C5: variants seen among roughly 807,000 people sequenced by gnomAD.
C5 encodes the protein complement C5, also known as C3 and PZP-like alpha-2-macroglobulin domain-containing protein 4.
In C5, 140 loss-of-function variants were observed where a neutral mutation model predicts 218.8. The ratio of observed to expected loss-of-function variants is 0.64; its 90% CI spans 0.56 to 0.74. The LOEUF is 0.74. C5 is among the 30% of genes least tolerant of loss of function. The pLI is 0.00. For synonymous variants in C5, 614 were observed against 682.3 expected, an observed-to-expected ratio of 0.90 and a Z score of 1.56; for missense variants, 1,700 against 1,969.6, an observed-to-expected ratio of 0.86 and a Z score of 2.59.
intron 7 of C5, among the ~76,000 whole-genome samples, chr9:121,027,560 C>G (rs1172273298): frequency 6.6e-6 from 1 of 152,154 alleles, no homozygotes; most frequent in Non-Finnish European, 1.5e-5. Context: ...ACCATCTGAT[C>G]TTTGACAAAC....
chr9:121,010,114 T>G (rs940718326), intron 17 of C5, among the ~76,000 whole-genome samples: 1 of 152,170 alleles, frequency 6.6e-6, no homozygotes, highest in Non-Finnish European at 1.5e-5. Context: ...CAAGTCCTAG[T>G]GCACTGGAAG....
chr9:121,015,280 G>A lies in C5; in HGVS notation c.1997-19C>T, dbSNP rs1185027804. 6 of 1,537,102 alleles carry A rather than the reference G, an allele frequency of 3.9e-6. No individual in the cohort carries two copies. In the Admixed American group the frequency reaches 5.0e-5, roughly 13 times the overall value. ...GGTTCATCTGGTTTTTTTAAAAAAA[G>A]ATAAAGAAGAAGGATTAAAAAGGAG... is the stretch of plus-strand genomic sequence containing the variant. On this transcript the variant is annotated intron_variant, in intron 15 of 40. Transcript: ENST00000223642.
At chr9:121,031,497 T>C (rs2047474114) in intron 6 of C5, among the ~76,000 whole-genome samples, 1 of 152,172 alleles carries the variant, frequency 6.6e-6, no homozygotes, top group Non-Finnish European at 1.5e-5. Context: ...ATAATCACAA[T>C]TCTAGAAAGG....
rs930837447 is a variant in C5, at chr9:121,028,687, C to T, written c.759-1413G>A. Reference sequence around the variant, plus strand: ...GTGCGGGGAACATCACACTCTGGGGCCTGTCATGGGGTGGGGGACGGGGAG... The same window carrying T: ...GTGCGGGGAACATCACACTCTGGGGTCTGTCATGGGGTGGGGGACGGGGAG... On this transcript the variant is annotated intron_variant, in intron 7 of 40. Coordinates refer to ENST00000223642, the MANE Select transcript of C5 (RefSeq NM_001735.3). Among the ~76,000 whole-genome samples the T allele has an allele frequency of 1.3e-4, 20 of 151,994 alleles. 1 individual carries two copies. The highest frequency in any genetic ancestry group is 3.6e-4 in the African/African-American group (15 of 41,370).
At chr9:121,000,049 A>C (rs1392392129) in intron 20 of C5, 3 of 237,892 alleles carry the variant, frequency 1.3e-5, no homozygotes, top group Non-Finnish European at 2.4e-5. Context: ...ACAGGGCGAG[A>C]CTCTGTCTCA....
At chr9:120,975,383 T>C (rs560885555) in intron 29 of C5, among the ~76,000 whole-genome samples, 1 of 152,302 alleles carries the variant, frequency 6.6e-6, no homozygotes, top group Admixed American at 6.5e-5. Flanking sequence ...TAGTTTATTG[T>C]TGGCCTACCC....
intron 27 of C5, among the ~76,000 whole-genome samples, chr9:120,980,995 G>A (rs938468461): frequency 6.6e-6 from 1 of 152,194 alleles, no homozygotes; most frequent in Non-Finnish European, 1.5e-5. Flanking sequence ...AAAACAATAA[G>A]TAGCAGAAAG....
intron 17 of C5, among the ~76,000 whole-genome samples, chr9:121,010,260 T>G (rs542163051): frequency 3.3e-5 from 5 of 152,322 alleles, no homozygotes; most frequent in Admixed American, 3.3e-4. Flanking sequence ...AAAAAACTAT[T>G]AGAACTGCTA....
At chr9:121,008,088 C>T (rs1410242589) in intron 18 of C5, among the ~76,000 whole-genome samples, 1 of 152,040 alleles carries the variant, frequency 6.6e-6, no homozygotes, top group East Asian at 1.9e-4. Flanking sequence ...TTTTATAGTA[C>T]AGATATTTTA....
Position 121,023,538 on chromosome 9 carries a change from T to A in C5, c.1001-19A>T, listed in dbSNP as rs754046226. 2 of 1,408,172 alleles carry A rather than the reference T, an allele frequency of 1.4e-6. No homozygotes were observed. 87.2% of individuals were successfully genotyped at this position (1,408,172 alleles called of 1,614,324 possible). A position where few individuals can be genotyped will look rare whatever the true frequency, so the allele number is the denominator to read the frequency against. ...AATCCACCTAAGGAAATGGCAAGCA[T>A]CATGTTGACAGTTTTTAGGAGTATC... On this transcript the variant is annotated intron_variant, in intron 9 of 40. Coordinates refer to ENST00000223642, the MANE Select transcript of C5 (RefSeq NM_001735.3).
At chr9:120,957,026 A>C in intron 39 of C5, 1 of 386,802 alleles carries the variant, frequency 2.6e-6, no homozygotes, top group Admixed American at 3.7e-5. Flanking sequence ...CTAAAATAAA[A>C]GTTGTAAAGA....
the C5 span, among the ~76,000 whole-genome samples, chr9:121,074,401 G>C: frequency 6.6e-6 from 1 of 152,210 alleles, no homozygotes; most frequent in Admixed American, 6.5e-5. Flanking sequence ...CTCTGCCTAG[G>C]ATTCCCAAGC....
intron 14 of C5, among the ~76,000 whole-genome samples, 176 bp from the exon 15 acceptor site, chr9:121,016,559 T>A (rs1247812091): frequency 1.3e-5 from 2 of 152,242 alleles, no homozygotes; most frequent in African/African-American, 4.8e-5. Flanking sequence ...TCCTTTTGTA[T>A]TTATAAATAC....
intron 1 of C5, among the ~76,000 whole-genome samples, chr9:121,048,834 G>C (rs2047650110): frequency 1.3e-5 from 2 of 152,134 alleles, no homozygotes; most frequent in African/African-American, 2.4e-5. Context: ...TATTTGCATG[G>C]TTTGCTTCCT....
At chr9:121,019,092 T>C (rs1216651734) in intron 12 of C5, among the ~76,000 whole-genome samples, 1 of 152,068 alleles carries the variant, frequency 6.6e-6, no homozygotes, top group East Asian at 1.9e-4. Context: ...TGCATCTTAT[T>C]TGGGGATTTA....
At chr9:120,964,280 C>G (rs2046849916) in intron 33 of C5, among the ~76,000 whole-genome samples, 1 of 152,214 alleles carries the variant, frequency 6.6e-6, no homozygotes, top group African/African-American at 2.4e-5. Flanking sequence ...GAGTTCAAGA[C>G]CAGCCTGGCT....
At chr9:120,985,721 A>C (rs1179203663) in intron 25 of C5, among the ~76,000 whole-genome samples, 2 of 152,222 alleles carry the variant, frequency 1.3e-5, no homozygotes, top group Non-Finnish European at 2.9e-5. Context: ...ATAGTATGAT[A>C]CTAGTTATAA....
At chr9:121,059,538 G>A in the C5 span, among the ~76,000 whole-genome samples, 1 of 152,136 alleles carries the variant, frequency 6.6e-6, no homozygotes, top group African/African-American at 2.4e-5. This position sits in a 1 kb window ranked among gnomAD's most constrained non-coding sequence, Gnocchi z 4.1. Context: ...TCTAATACCT[G>A]TTACTCATCC....
At chr9:121,035,736 T>TA (rs1180331538) in intron 4 of C5, among the ~76,000 whole-genome samples, 8 of 134,970 alleles carry the variant, frequency 5.9e-5, no homozygotes, top group African/African-American at 2.1e-4. Context: ...TGCCCAGCTA[T>TA]TTTTTTTTTT....
Sources: allele counts gnomAD v4.1 joint callset (sites outside exome capture counted in the v4.1 genomes callset), GRCh38; gene constraint gnomAD v4.1.1; non-coding constraint Gnocchi (gnomAD v3.1); transcripts MANE v1.5; gene names NCBI Gene and HGNC (gene_info 2026-07-23, HGNC 2026-07-21).